BAZ2B: variants seen among roughly 807,000 people sequenced by gnomAD.
BAZ2B encodes bromodomain adjacent to zinc finger domain 2B, also known as bromodomain adjacent to zinc finger domain protein 2B.
BAZ2B carries 91 observed loss-of-function variants against 246.0 expected under a neutral mutation model. That is an observed-to-expected ratio of 0.37 (90% confidence interval 0.31 to 0.44). The LOEUF (loss-of-function observed/expected upper bound fraction) is 0.44, where lower values mean the gene tolerates loss of function less well. Among genes scored for constraint, BAZ2B ranks in the 20% least tolerant of loss-of-function variants. BAZ2B has a pLI of 1.00. For missense variants in BAZ2B, 2,332 were observed against 2,533.7 expected (o/e 0.92, Z 1.71); for synonymous variants, 855 against 860.0 (o/e 0.99, Z 0.10).
the BAZ2B span, among the ~76,000 whole-genome samples, chr2:159,683,251 C>T: frequency 7.9e-5 from 12 of 152,162 alleles, no homozygotes; most frequent in African/African-American, 2.6e-4. Flanking sequence ...AGTAAGTTCA[C>T]ACTATTTTAT....
intron 19 of BAZ2B, chr2:159,396,398 A>G (rs955657906): frequency 3.9e-5 from 6 of 152,232 alleles, no homozygotes; most frequent in Admixed American, 3.9e-4. Flanking sequence ...TAGTTAAACT[A>G]GTCTTGTTTC....
At position 159,428,388 on chromosome 2, in the gene BAZ2B, C is replaced by T. The variant is rs750714151; in HGVS notation, c.2287G>A (p.Gly763Arg). The T allele has an allele frequency of 2.9e-5, 47 of 1,613,058 alleles. No individual in the cohort carries two copies. The highest frequency in any genetic ancestry group is 3.6e-5 in the Non-Finnish European group (43 of 1,179,596). Residue 763 changes from glycine (G) to arginine (R), a missense_variant, in exon 12 of 37, where the codon GGA becomes AGA. Physicochemically the swap from Gly to Arg is moderately radical, Grantham distance 125. Around this residue, in one of 9 missense-constraint regions of BAZ2B, gnomAD observed 651 missense variants for 650.9 expected, o/e 1.00. Coordinates refer to ENST00000392783, the MANE Select transcript of BAZ2B (RefSeq NM_013450.4). ...GCTACTTCTCCTTGAAGGCGCCCTC[C>T]AAAGTTTCTTATTCTTGTCTCTCTC... Reference protein sequence around the residue: ...WQRETRIRNFGGRLQGEVAYY... With the variant: ...WQRETRIRNFRGRLQGEVAYY...
the BAZ2B span, among the ~76,000 whole-genome samples, chr2:159,630,282 CACT>C: frequency 1.3e-5 from 2 of 151,944 alleles, no homozygotes; most frequent in African/African-American, 4.8e-5. Context: ...ATGACCATGC[CACT>C]ACATTTCAGC....
In BAZ2B at chr2:159,398,838, T is replaced by C; in HGVS notation, c.2955A>G (p.Lys985=). 1 of 1,610,882 alleles carries C rather than the reference T, an allele frequency of 6.2e-7. No homozygotes were observed. Among genetic ancestry groups the C allele is most frequent in the Non-Finnish European group, 8.5e-7 (1 of 1,179,432 alleles). ...AANAKLLEAE[K]RIKEKEMRRQ... The stretch of plus-strand genomic sequence containing the variant: ...TCTCATCTAAACTAACCTTTATTCG[T>C]TTCTCGGCCTCCAATAATTTGGCAT... Residue 985 remains lysine, a synonymous_variant, in exon 18 of 37, where the codon AAA becomes AAG. Coordinates refer to ENST00000392783, the MANE Select transcript of BAZ2B (RefSeq NM_013450.4).
chr2:159,574,075 G>C (rs569707210), intron 1 of BAZ2B, among the ~76,000 whole-genome samples: 27 of 151,464 alleles, frequency 1.8e-4, no homozygotes, highest in African/African-American at 6.3e-4. Flanking sequence ...CTCTACCCAG[G>C]ATGACACAGT....
rs186774522 is a variant in BAZ2B at position 159,498,069 on chromosome 2, A to G, written c.-2-19348T>C. On this transcript the variant is annotated intron_variant, in intron 2 of 36. Transcript: ENST00000392783. ...ACAGCTCTGTATTTGTTTTATGAAT[A>G]CACTGTATTATTCAGCACACAACTA... Among the ~76,000 whole-genome samples, 18 of 152,286 alleles carry G rather than the reference A, an allele frequency of 1.2e-4. No homozygotes were observed. In the East Asian group the frequency reaches 3.3e-3, roughly 28 times the overall value.
At chr2:159,481,885 T>G (rs1390269120) in intron 2 of BAZ2B, among the ~76,000 whole-genome samples, 1 of 151,918 alleles carries the variant, frequency 6.6e-6, no homozygotes, top group Non-Finnish European at 1.5e-5. Context: ...AAATGTGATG[T>G]GGGATCCTAA....
At chr2:159,667,142 T>G in the BAZ2B span, among the ~76,000 whole-genome samples, 2 of 111,168 alleles carry the variant, frequency 1.8e-5, no homozygotes, top group Non-Finnish European at 3.6e-5. Context: ...ATTGCAAAGA[T>G]TTTTCTCCTG....
In BAZ2B at chr2:159,383,611, G is replaced by T; in HGVS notation, c.3756C>A (p.Leu1252=). 9 of 1,610,092 alleles carry T rather than the reference G, an allele frequency of 5.6e-6. No individual in the cohort carries two copies. The highest frequency in any genetic ancestry group is 7.6e-6 in the Non-Finnish European group (9 of 1,177,368). Residue 1252 remains leucine, a synonymous_variant, in exon 24 of 37, where the codon CTC becomes CTA. Transcript: ENST00000392783. The stretch of plus-strand genomic sequence containing the variant: ...TTTAATAAAACAGGACTTACTTGCG[G>T]AGTTTACCTTCTACCACCCATTTAT... ...RRDKWVVEGK[L]RKLRIIHAKK...
chr2:159,462,542 T>G (rs1197547884), intron 3 of BAZ2B: 4 of 902,640 alleles, frequency 4.4e-6, no homozygotes, highest in Non-Finnish European at 7.5e-6. Context: ...TGTCTGATAT[T>G]CATTTTCTGC....
At chr2:159,691,435 T>C in the BAZ2B span, among the ~76,000 whole-genome samples, 1 of 151,186 alleles carries the variant, frequency 6.6e-6, no homozygotes, top group Non-Finnish European at 1.5e-5. Context: ...ATTCTTACAA[T>C]AAAGTAGGCT....
intron 1 of BAZ2B, among the ~76,000 whole-genome samples, chr2:159,603,892 TA>T (rs1392837651): frequency 6.6e-6 from 1 of 152,230 alleles, no homozygotes; most frequent in Non-Finnish European, 1.5e-5. Context: ...TTCATGACAC[TA>T]ACCTGCTGTT....
intron 3 of BAZ2B, among the ~76,000 whole-genome samples, chr2:159,471,499 G>A (rs2077786948): frequency 1.3e-5 from 2 of 152,002 alleles, no homozygotes; most frequent in Non-Finnish European, 2.9e-5. Flanking sequence ...CTGAGGTTGG[G>A]GGATTGCCTG....
chr2:159,515,635 C>G (rs978459860), intron 2 of BAZ2B, among the ~76,000 whole-genome samples: 1 of 152,064 alleles, frequency 6.6e-6, no homozygotes, highest in African/African-American at 2.4e-5. Flanking sequence ...TACTTAAGCA[C>G]TCACACAGAC....
At position 159,397,345 on chromosome 2, in the gene BAZ2B, C is replaced by T. The variant is rs779198562; in HGVS notation, c.3009G>A (p.Gln1003=). The change falls in exon 19 of 37, where the codon CAG becomes CAA. Residue 1003 remains glutamine (Q), a splice_region_variant and synonymous_variant. Transcript: ENST00000392783. ...RRQQAVLLKH[Q]ERERRRQHMM... is the part of the protein sequence containing the mutation. The stretch of plus-strand genomic sequence containing the variant: ...ATTGTATAACTATACATATACAGAC[C>T]TGATGTTTCAGAAGAACAGCTTGTT... 1 of 1,547,348 alleles carries T rather than the reference C, an allele frequency of 6.5e-7. No individual in the cohort carries two copies. Among genetic ancestry groups the T allele is most frequent in the Non-Finnish European group, 8.8e-7 (1 of 1,133,872 alleles).
chr2:159,709,683 A>G, the BAZ2B span, among the ~76,000 whole-genome samples: 1 of 152,218 alleles, frequency 6.6e-6, no homozygotes, highest in Non-Finnish European at 1.5e-5. Context: ...CTCTACAACT[A>G]CCCTTGCCAA....
chr2:159,606,874 A>C (rs935161376), intron 1 of BAZ2B, among the ~76,000 whole-genome samples: 1 of 151,586 alleles, frequency 6.6e-6, no homozygotes, highest in Non-Finnish European at 1.5e-5. Flanking sequence ...GTGTTTTGAA[A>C]ATTTTTTAAA....
the BAZ2B span, among the ~76,000 whole-genome samples, chr2:159,634,878 C>G: frequency 6.6e-6 from 1 of 152,176 alleles, no homozygotes; most frequent in East Asian, 1.9e-4. Context: ...TAAAACTTCT[C>G]TCTTTTTCCC....
At chr2:159,330,349 A>G (rs1159796906) in intron 34 of BAZ2B, among the ~76,000 whole-genome samples, 1 of 152,228 alleles carries the variant, frequency 6.6e-6, no homozygotes, top group Admixed American at 6.5e-5. Context: ...AGATTTGAGA[A>G]GAAGCAAAGA....
Sources: allele counts gnomAD v4.1 joint callset (sites outside exome capture counted in the v4.1 genomes callset), GRCh38; gene constraint gnomAD v4.1.1; regional missense constraint gnomAD v4.1.1; transcripts MANE v1.5; gene names NCBI Gene and HGNC (gene_info 2026-07-23, HGNC 2026-07-21).